The following GPC5 variants were observed in gnomAD, a reference collection of about 807,000 sequenced individuals.
GPC5 encodes the protein glypican 5.
In GPC5, 47 loss-of-function variants were observed where a neutral mutation model predicts 53.9. The observed-to-expected ratio is 0.87, with a 90% CI of 0.69 to 1.11. The LOEUF (loss-of-function observed/expected upper bound fraction) is 1.11. Ranked by LOEUF, GPC5 falls within the 50% of genes most tolerant of loss-of-function variation. The probability of loss-of-function intolerance (pLI) is 0.00; values close to 1 mark genes in which losing one functional copy is unlikely to be tolerated. For synonymous variants in GPC5, 286 were observed against 263.3 expected (o/e 1.09, Z -0.84); for missense variants, 748 against 713.1 (o/e 1.05, Z -0.56).
At chr13:91,437,510 T>A (rs55787576) in intron 1 of GPC5, among the ~76,000 whole-genome samples, 5 of 152,224 alleles carry the variant, frequency 3.3e-5, no homozygotes, top group African/African-American at 4.8e-5. Context: ...TGTTGAATAT[T>A]GGCCCCCACT....
chr13:92,230,721 A>G (rs1451156184), intron 7 of GPC5, among the ~76,000 whole-genome samples: 2 of 152,304 alleles, frequency 1.3e-5, no homozygotes, highest in African/African-American at 2.4e-5. Context: ...ACATAAATAT[A>G]TACTGCCAAT....
At chr13:91,960,778 T>C (rs2040119099) in intron 6 of GPC5, among the ~76,000 whole-genome samples, 2 of 151,986 alleles carry the variant, frequency 1.3e-5, no homozygotes, top group African/African-American at 4.8e-5. Flanking sequence ...TTATGTATTT[T>C]TGATAGAGGT....
At chr13:92,032,714 A>G (rs900290017) in intron 6 of GPC5, among the ~76,000 whole-genome samples, 2 of 152,140 alleles carry the variant, frequency 1.3e-5, no homozygotes, top group African/African-American at 2.4e-5. Context: ...TATAAATTCA[A>G]TGCCCTCTCT....
At chr13:91,827,877 A>T (rs1276137051) in intron 5 of GPC5, among the ~76,000 whole-genome samples, 3 of 152,018 alleles carry the variant, frequency 2.0e-5, no homozygotes, top group Admixed American at 6.6e-5. Flanking sequence ...CCATATAAAG[A>T]CTTGTTTATA....
Position 92,833,197 on chromosome 13 carries a change from A to T in GPC5, c.1562-33085A>T, listed in dbSNP as rs534857784. Among the ~76,000 whole-genome samples the T allele has an allele frequency of 9.8e-5, 15 of 152,306 alleles. No individual in the cohort carries two copies. The South Asian group carries it at 2.9e-3, about 29-fold the overall frequency. Reference sequence around the variant, plus strand: ...TTCAATTTGAGCTTTTCAGAAGCCAACAGAAAGAGGGAGGCTAGATTACTT... The same window carrying T: ...TTCAATTTGAGCTTTTCAGAAGCCATCAGAAAGAGGGAGGCTAGATTACTT... On this transcript the variant is annotated intron_variant, in intron 7 of 7. Transcript: ENST00000377067.
chr13:91,824,504 A>G (rs1249353595), intron 5 of GPC5, among the ~76,000 whole-genome samples: 1 of 152,134 alleles, frequency 6.6e-6, no homozygotes, highest in Non-Finnish European at 1.5e-5. Flanking sequence ...AAGTTCCAGT[A>G]CTGGCTGAGA....
At chr13:91,822,090 A>C (rs2138835229) in intron 5 of GPC5, among the ~76,000 whole-genome samples, 1 of 152,352 alleles carries the variant, frequency 6.6e-6, no homozygotes, top group South Asian at 2.1e-4. Flanking sequence ...GAATTGGTAG[A>C]ACATAGAGTG....
intron 7 of GPC5, among the ~76,000 whole-genome samples, chr13:92,753,358 G>C (rs1214512578): frequency 2.0e-5 from 3 of 152,136 alleles, no homozygotes; most frequent in Non-Finnish European, 4.4e-5. Context: ...ACCAAAAGTA[G>C]ATAAAACCAC....
In GPC5 at chr13:92,592,768, G is replaced by A. The variant is rs114991720; in HGVS notation, c.1562-273514G>A. Among the ~76,000 whole-genome samples the A allele has an allele frequency of 4.4e-3, 671 of 151,276 alleles. 21 individuals are homozygous for A. Among genetic ancestry groups the A allele is most frequent in the African/African-American group, 0.016 (645 of 41,336 alleles). The stretch of plus-strand genomic sequence containing the variant: ...GATAAATAGTAATTACAAAAAGTCC[G>A]AAGATTGGAACAAGTATGGCTCAAT... On this transcript the variant is annotated intron_variant, in intron 7 of 7. Coordinates refer to ENST00000377067, the MANE Select transcript of GPC5 (RefSeq NM_004466.6).
intron 7 of GPC5, among the ~76,000 whole-genome samples, chr13:92,306,777 C>T (rs2043113437): frequency 1.3e-5 from 2 of 152,282 alleles, no homozygotes; most frequent in South Asian, 2.1e-4. Context: ...ATCTCCTGTG[C>T]TCCTCATTCT....
At chr13:92,800,274 T>C (rs1313668094) in intron 7 of GPC5, among the ~76,000 whole-genome samples, 1 of 151,870 alleles carries the variant, frequency 6.6e-6, no homozygotes, top group Non-Finnish European at 1.5e-5. Context: ...GATCCCAAGA[T>C]GGGCATAACA....
intron 2 of GPC5, among the ~76,000 whole-genome samples, chr13:91,496,659 G>C (rs1262391119): frequency 6.6e-6 from 1 of 152,134 alleles, no homozygotes; most frequent in East Asian, 1.9e-4. Flanking sequence ...GGGCTTGGTG[G>C]GGTGGTGAGG....
chr13:92,718,139 T>C (rs1426345860), intron 7 of GPC5, among the ~76,000 whole-genome samples: 1 of 152,178 alleles, frequency 6.6e-6, no homozygotes, highest in Non-Finnish European at 1.5e-5. Flanking sequence ...GAAAACAGTA[T>C]GGAAGTTTCT....
intron 7 of GPC5, among the ~76,000 whole-genome samples, chr13:92,808,474 C>T (rs1296565679): frequency 6.6e-6 from 1 of 151,968 alleles, no homozygotes; most frequent in East Asian, 1.9e-4. Flanking sequence ...GGTGCGGGTG[C>T]TGGTGGGGAT....
intron 5 of GPC5, among the ~76,000 whole-genome samples, chr13:91,816,154 G>T (rs893365783): frequency 3.3e-5 from 5 of 152,174 alleles, no homozygotes; most frequent in African/African-American, 1.2e-4. Flanking sequence ...TTTACTGTGT[G>T]TAATTTATTT....
chr13:91,807,669 C>CTGT (rs1566275240), intron 5 of GPC5, among the ~76,000 whole-genome samples: 1 of 152,128 alleles, frequency 6.6e-6, no homozygotes, highest in Non-Finnish European at 1.5e-5. Context: ...GAATGACAAT[C>CTGT]TGTTGTGCAT....
At chr13:92,047,496 T>C (rs1399649320) in intron 6 of GPC5, among the ~76,000 whole-genome samples, 1 of 151,498 alleles carries the variant, frequency 6.6e-6, no homozygotes, top group African/African-American at 2.4e-5. Context: ...CTCCCATATA[T>C]TCTGACACAT....
At chr13:92,342,470 T>C (rs1396715144) in intron 7 of GPC5, among the ~76,000 whole-genome samples, 1 of 152,042 alleles carries the variant, frequency 6.6e-6, no homozygotes, top group African/African-American at 2.4e-5. Context: ...CCCTCATGAA[T>C]GAGATTAGTG....
At chr13:92,685,809 G>A (rs1408273891) in intron 7 of GPC5, among the ~76,000 whole-genome samples, 3 of 92,620 alleles carry the variant, frequency 3.2e-5, no homozygotes, top group East Asian at 7.1e-4. Flanking sequence ...GAGAATATGC[G>A]GTGTTTGGTT....
Sources: gnomAD v4.1 joint callset for allele counts (sites outside exome capture counted in the v4.1 genomes callset) on GRCh38, gnomAD v4.1.1 for gene constraint, MANE v1.5 for transcripts, NCBI Gene and HGNC (gene_info 2026-07-23, HGNC 2026-07-21) for gene names.